SORCS3: variants seen among roughly 807,000 people sequenced by gnomAD.
SORCS3 encodes the protein sortilin related VPS10 domain containing receptor 3.
Under a neutral mutation model 146.3 loss-of-function variants are expected in SORCS3, and 57 were observed. The observed-to-expected ratio is 0.39, with a 90% CI of 0.31 to 0.49. The LOEUF (loss-of-function observed/expected upper bound fraction) is 0.49, where lower values mean the gene tolerates loss of function less well. Among genes scored for constraint, SORCS3 ranks in the 20% least tolerant of loss-of-function variants. The pLI, the probability that SORCS3 is intolerant of heterozygous loss-of-function variation, is 0.92. For synonymous variants in SORCS3, 653 were observed against 618.5 expected (o/e 1.06, Z -0.83); for missense variants, 1,341 against 1,575.5 (o/e 0.85, Z 2.52).
chr10:105,089,393 G>T (rs970177748), intron 5 of SORCS3, among the ~76,000 whole-genome samples: 4 of 152,180 alleles, frequency 2.6e-5, no homozygotes, highest in Non-Finnish European at 4.4e-5. Flanking sequence ...AGTGGTGGAA[G>T]GAGTCAAGAA....
chr10:105,029,696 GTCCTAGAAGAAGC>G, intron 4 of SORCS3, among the ~76,000 whole-genome samples: 1 of 152,156 alleles, frequency 6.6e-6, no homozygotes, highest in East Asian at 1.9e-4. Flanking sequence ...TCTTTAATGA[GTCCTAGAAGAAGC>G]TTATGACATT....
chr10:104,776,613 A>G (rs1038915156), intron 1 of SORCS3, among the ~76,000 whole-genome samples: 3 of 152,026 alleles, frequency 2.0e-5, no homozygotes, highest in Non-Finnish European at 4.4e-5. Context: ...AATTACATCA[A>G]ATATATAGTT....
chr10:105,012,563 C>A (rs1225973816), intron 4 of SORCS3, among the ~76,000 whole-genome samples: 1 of 152,080 alleles, frequency 6.6e-6, no homozygotes, highest in African/African-American at 2.4e-5. Flanking sequence ...AGTCATTCCC[C>A]CAATAACATG....
chr10:104,868,871 T>C (rs547078102), intron 2 of SORCS3, among the ~76,000 whole-genome samples: 27 of 152,340 alleles, frequency 1.8e-4, no homozygotes, highest in Non-Finnish European at 2.8e-4. Flanking sequence ...CATCTTTTGC[T>C]TTGTGTAAGT....
At chr10:104,770,228 C>T (rs1296638604) in intron 1 of SORCS3, among the ~76,000 whole-genome samples, 3 of 152,134 alleles carry the variant, frequency 2.0e-5, no homozygotes, top group African/African-American at 7.2e-5. Context: ...GTCCACTGTA[C>T]CCCTCAGTGC....
intron 20 of SORCS3, among the ~76,000 whole-genome samples, chr10:105,232,791 A>G (rs2056772634): frequency 6.6e-6 from 1 of 152,076 alleles, no homozygotes; most frequent in East Asian, 1.9e-4. Flanking sequence ...TATGTTATTT[A>G]GATGTGTCTT....
chr10:104,674,490 A>T (rs770795972), intron 1 of SORCS3, among the ~76,000 whole-genome samples: 1 of 152,258 alleles, frequency 6.6e-6, no homozygotes, highest in African/African-American at 2.4e-5. Context: ...GGCAACAACC[A>T]ATGAAGAATT....
intron 3 of SORCS3, among the ~76,000 whole-genome samples, chr10:104,972,186 C>G (rs893777514): frequency 9.9e-5 from 15 of 151,850 alleles, no homozygotes; most frequent in African/African-American, 3.6e-4. Context: ...TAAAAAACAA[C>G]AAAAAAAGAA....
At chr10:104,848,985 CCACTT>C (rs2133551605) in intron 2 of SORCS3, among the ~76,000 whole-genome samples, 3 of 152,288 alleles carry the variant, frequency 2.0e-5, no homozygotes, top group African/African-American at 7.2e-5. Context: ...TATTACCACC[CCACTT>C]CATTCCATAA....
chr10:104,736,429 G>A (rs1228255922), intron 1 of SORCS3, among the ~76,000 whole-genome samples: 2 of 152,146 alleles, frequency 1.3e-5, no homozygotes, highest in Non-Finnish European at 2.9e-5. Context: ...CATTCCACAT[G>A]GTACACGGAC....
intron 1 of SORCS3, among the ~76,000 whole-genome samples, chr10:104,659,471 G>T (rs1488733364): frequency 6.6e-6 from 1 of 152,160 alleles, no homozygotes; most frequent in Non-Finnish European, 1.5e-5. Flanking sequence ...TTAGTCCAGA[G>T]AATTTCCCCC....
intron 5 of SORCS3, among the ~76,000 whole-genome samples, chr10:105,055,863 A>C (rs967416718): frequency 6.6e-6 from 1 of 152,220 alleles, no homozygotes; most frequent in Non-Finnish European, 1.5e-5. Context: ...TAACAAAATT[A>C]AATAAAATTC....
intron 2 of SORCS3, among the ~76,000 whole-genome samples, chr10:104,886,301 T>G (rs1188846009): frequency 6.6e-6 from 1 of 152,178 alleles, no homozygotes; most frequent in African/African-American, 2.4e-5. Flanking sequence ...TTAGTAGCCT[T>G]TCTAAAATTC....
In SORCS3 at chr10:104,641,345, G is replaced by T; in HGVS notation, c.18G>T (p.Thr6=). The part of the protein sequence containing the change: MEAAR[T]ERPAGRPGAP... ...GCAGCGGGATGGAGGCGGCGCGCACGGAGCGCCCCGCAGGCAGGCCGGGGG... is the reference window on the plus strand; with the variant it reads ...GCAGCGGGATGGAGGCGGCGCGCACTGAGCGCCCCGCAGGCAGGCCGGGGG... The change falls in exon 1 of 27, where the codon ACG becomes ACT. Residue 6 remains threonine (T), a synonymous_variant. Transcript: ENST00000369701. The surrounding 1 kb of genome is among the most constrained non-coding windows in gnomAD (Gnocchi z 6.4). 1 of 1,353,208 alleles carries T rather than the reference G, an allele frequency of 7.4e-7. No homozygotes were observed. Among genetic ancestry groups the T allele is most frequent in the Non-Finnish European group, 9.5e-7 (1 of 1,057,486 alleles). The allele number at this position is 1,353,208 out of a possible 1,614,324, so 83.8% of individuals were successfully genotyped here. A position where few individuals can be genotyped will look rare whatever the true frequency, so the allele number is the denominator to read the frequency against.
chr10:104,774,213 G>A (rs1457392835), intron 1 of SORCS3, among the ~76,000 whole-genome samples: 1 of 152,132 alleles, frequency 6.6e-6, no homozygotes, highest in Non-Finnish European at 1.5e-5. Flanking sequence ...TCTCGCAGCT[G>A]TCAGTGGGAC....
chr10:105,226,251 G>C (rs776952488), intron 20 of SORCS3, among the ~76,000 whole-genome samples: 31 of 151,774 alleles, frequency 2.0e-4, no homozygotes, highest in Non-Finnish European at 4.4e-4. Context: ...GGTTTTTTGA[G>C]ACTTTTTATC....
chr10:105,258,098 T>C (rs2056941512), intron 25 of SORCS3, among the ~76,000 whole-genome samples: 1 of 152,188 alleles, frequency 6.6e-6, no homozygotes, highest in Non-Finnish European at 1.5e-5. Context: ...GGCTATTTCA[T>C]TTTCTTAAAA....
At chr10:104,977,593 A>C in intron 4 of SORCS3, 100 bp downstream of exon 4, 1 of 1,153,526 alleles carries the variant, frequency 8.7e-7, no homozygotes, top group South Asian at 1.7e-5. Context: ...ATTCAGTGAC[A>C]TTTCATCATT....
At chr10:104,912,932 GA>G (rs1451027348) in intron 2 of SORCS3, among the ~76,000 whole-genome samples, 1 of 152,140 alleles carries the variant, frequency 6.6e-6, no homozygotes, top group African/African-American at 2.4e-5. Context: ...AGGGTTGGAG[GA>G]AAATTTGCCA....
Sources: allele counts gnomAD v4.1 joint callset (sites outside exome capture counted in the v4.1 genomes callset), GRCh38; gene constraint gnomAD v4.1.1; non-coding constraint Gnocchi (gnomAD v3.1); transcripts MANE v1.5; gene names NCBI Gene and HGNC (gene_info 2026-07-23, HGNC 2026-07-21).